TRAPPC9: variants seen among roughly 807,000 people sequenced by gnomAD.
TRAPPC9 encodes the protein trafficking protein particle complex subunit 9.
In TRAPPC9, 83 loss-of-function variants were observed where a neutral mutation model predicts 124.0. That is an observed-to-expected ratio of 0.67 (90% CI 0.56 to 0.80). The LOEUF (loss-of-function observed/expected upper bound fraction) is 0.80. TRAPPC9 is among the 30% of genes least tolerant of loss of function. The pLI is 0.00. For synonymous variants in TRAPPC9, 638 were observed against 617.5 expected, an observed-to-expected ratio of 1.03 and a Z score of -0.49; for missense variants, 1,302 against 1,508.3, an observed-to-expected ratio of 0.86 and a Z score of 2.27.
intron 17 of TRAPPC9, among the ~76,000 whole-genome samples, chr8:140,169,477 C>T (rs11777764): frequency 0.13 from 19,713 of 152,092 alleles, 1,854 homozygotes; most frequent in East Asian, 0.5. Context: ...AATACATGCA[C>T]ACACATGTTC....
At chr8:139,866,428 C>T (rs924037773) in intron 21 of TRAPPC9, among the ~76,000 whole-genome samples, 1 of 152,154 alleles carries the variant, frequency 6.6e-6, no homozygotes, top group Non-Finnish European at 1.5e-5. Context: ...GGCATCCACA[C>T]AGTGGGGAGG....
intron 21 of TRAPPC9, among the ~76,000 whole-genome samples, chr8:139,796,066 AGAG>A (rs146302350): frequency 0.081 from 10,913 of 135,388 alleles, 1,469 homozygotes; most frequent in African/African-American, 0.3. Context: ...AAGAGGAAGA[AGAG>A]GAGGAGGAAG....
chr8:139,859,333 G>A (rs1305287873), intron 21 of TRAPPC9, among the ~76,000 whole-genome samples: 2 of 152,048 alleles, frequency 1.3e-5, no homozygotes, highest in Non-Finnish European at 2.9e-5. Context: ...TCCATTTTTG[G>A]ATGCAGCAAT....
chr8:139,794,547 G>A (rs1327095143), intron 21 of TRAPPC9, among the ~76,000 whole-genome samples: 1 of 152,186 alleles, frequency 6.6e-6, no homozygotes, highest in African/African-American at 2.4e-5. Flanking sequence ...CAGACGCTGG[G>A]CCCACTTCAG....
Position 140,345,743 on chromosome 8 carries a change from G to A in TRAPPC9, c.1495+14307C>T, listed in dbSNP as rs139085392. 2.4e-4 allele frequency among the ~76,000 whole-genome samples: 36 copies of A among 152,330 alleles called. No homozygotes were observed. The East Asian group carries it at 5.8e-3, about 25-fold the overall frequency. On this transcript the variant is annotated intron_variant, in intron 9 of 22. Coordinates refer to ENST00000438773, the MANE Select transcript of TRAPPC9 (RefSeq NM_001160372.4). Reference sequence around the variant, plus strand: ...ATATGAGAAGGTTAAGGGAACACTCGGGGAGGAAGAGGATGAGGAAATGCA... The same window carrying A: ...ATATGAGAAGGTTAAGGGAACACTCAGGGAGGAAGAGGATGAGGAAATGCA...
chr8:140,025,914 G>C (rs754385236), intron 17 of TRAPPC9, among the ~76,000 whole-genome samples: 1 of 152,122 alleles, frequency 6.6e-6, no homozygotes, highest in Non-Finnish European at 1.5e-5. Context: ...CACTCATTCT[G>C]TCTATCAACC....
chr8:139,927,062 T>C (rs760083313), intron 19 of TRAPPC9, among the ~76,000 whole-genome samples: 2 of 152,178 alleles, frequency 1.3e-5, no homozygotes, highest in African/African-American at 2.4e-5. Context: ...CTTGGGAAGA[T>C]GCTCAGCATC....
chr8:140,039,465 T>A (rs1841121895), intron 17 of TRAPPC9, among the ~76,000 whole-genome samples: 1 of 152,228 alleles, frequency 6.6e-6, no homozygotes, highest in South Asian at 2.1e-4. Flanking sequence ...AAAAAACATA[T>A]AATTATTACC....
intron 17 of TRAPPC9, among the ~76,000 whole-genome samples, chr8:140,081,611 G>A (rs1843824939): frequency 6.6e-6 from 1 of 152,190 alleles, no homozygotes; most frequent in Non-Finnish European, 1.5e-5. Flanking sequence ...CTCCCAAAGT[G>A]CTGGGATGAC....
At chr8:140,440,561 T>C (rs1196575373) in intron 2 of TRAPPC9, among the ~76,000 whole-genome samples, 1 of 151,602 alleles carries the variant, frequency 6.6e-6, no homozygotes, top group Non-Finnish European at 1.5e-5. Flanking sequence ...CCAACAGCAG[T>C]CACCTCAGCA....
intron 21 of TRAPPC9, among the ~76,000 whole-genome samples, chr8:139,778,278 A>C (rs1821534633): frequency 6.6e-6 from 1 of 151,918 alleles, no homozygotes; most frequent in Non-Finnish European, 1.5e-5. Flanking sequence ...GTTCCTGCCT[A>C]AAAAAAATCT....
At chr8:139,780,840 T>C (rs115829790) in intron 21 of TRAPPC9, among the ~76,000 whole-genome samples, 3,305 of 151,444 alleles carry the variant, frequency 0.022, 102 homozygotes, top group African/African-American at 0.076. Context: ...ACAAACAATC[T>C]GATTTAAAAA....
chr8:139,754,149 C>CG (rs1819542004), intron 21 of TRAPPC9, among the ~76,000 whole-genome samples: 1 of 152,180 alleles, frequency 6.6e-6, no homozygotes, highest in South Asian at 2.1e-4. Context: ...AAGGCCCCCC[C>CG]AGCCTGCTGC....
At chr8:140,033,685 T>TTTTTTTTTTTTTTTTTTTTG (rs1840687348) in intron 17 of TRAPPC9, among the ~76,000 whole-genome samples, 4 of 117,376 alleles carry the variant, frequency 3.4e-5, no homozygotes, top group Non-Finnish European at 6.8e-5. Context: ...TTTTTTTTTT[T>TTTTTTTTTTTTTTTTTTTTG]TTTTTTTTTT....
At chr8:139,903,169 C>T (rs925132692) in intron 20 of TRAPPC9, among the ~76,000 whole-genome samples, 4 of 152,178 alleles carry the variant, frequency 2.6e-5, no homozygotes, top group African/African-American at 9.7e-5. Flanking sequence ...TCCCTCCACT[C>T]TCCAAGTCAT....
chr8:139,929,402 C>T (rs759224822), intron 19 of TRAPPC9, among the ~76,000 whole-genome samples: 18 of 152,088 alleles, frequency 1.2e-4, no homozygotes, highest in Non-Finnish European at 2.4e-4. Context: ...AGTGCAATGC[C>T]GTTCTCAAAC....
At chr8:140,004,159 T>C (rs955198344) in intron 18 of TRAPPC9, among the ~76,000 whole-genome samples, 3 of 152,160 alleles carry the variant, frequency 2.0e-5, no homozygotes, top group African/African-American at 7.2e-5. Context: ...AGATGGAGAA[T>C]AGATCAGTGT....
At chr8:139,998,278 CA>C (rs1281655155) in intron 18 of TRAPPC9, among the ~76,000 whole-genome samples, 1 of 152,134 alleles carries the variant, frequency 6.6e-6, no homozygotes, top group Non-Finnish European at 1.5e-5. Context: ...TCTCAGTCAT[CA>C]GTAGAACTTT....
intron 21 of TRAPPC9, among the ~76,000 whole-genome samples, chr8:139,746,957 G>A (rs534082227): frequency 3.9e-5 from 6 of 152,170 alleles, no homozygotes; most frequent in Non-Finnish European, 7.4e-5. Flanking sequence ...TCTCTTTTTG[G>A]ACAAGCACTT....
Sources: allele counts gnomAD v4.1 joint callset (sites outside exome capture counted in the v4.1 genomes callset), GRCh38; gene constraint gnomAD v4.1.1; transcripts MANE v1.5; gene names NCBI Gene and HGNC (gene_info 2026-07-23, HGNC 2026-07-21).